Variants in FSTL5 observed in about 807,000 individuals in gnomAD.
The protein encoded by FSTL5 is follistatin-related protein 5.
In FSTL5, 62 loss-of-function variants were observed where a neutral mutation model predicts 89.1. The observed-to-expected ratio is 0.70, with a 90% confidence interval of 0.57 to 0.86. The LOEUF is 0.86. Among genes scored for constraint, FSTL5 ranks in the 40% least tolerant of loss-of-function variants. The pLI is 0.00. For missense variants in FSTL5, 1,057 were observed against 1,001.6 expected (o/e 1.06, Z -0.75); for synonymous variants, 383 against 346.2 (o/e 1.11, Z -1.18).
chr4:161,665,238 C>CT (rs1045092671), intron 6 of FSTL5, among the ~76,000 whole-genome samples: 11 of 151,870 alleles, frequency 7.2e-5, no homozygotes, highest in African/African-American at 1.2e-4. Context: ...AGAGAGAAAT[C>CT]TTTTTTTTGT....
rs148091804 is a variant in FSTL5, at chr4:161,807,005, A to T, written c.410-30931T>A. On this transcript the variant is annotated intron_variant, in intron 4 of 15. Transcript: ENST00000306100. ...ATGGAAGAAGTTAATGAATGAGTAC[A>T]GTAATGAGTAAAGTATATAAACAAC... Among the ~76,000 whole-genome samples, 371 of 152,308 alleles carry T rather than the reference A, an allele frequency of 2.4e-3. 2 individuals carry two copies. The highest frequency in any genetic ancestry group is 8.3e-3 in the African/African-American group (343 of 41,546).
At position 162,112,366 on chromosome 4, in the gene FSTL5, C is replaced by T. The variant is rs188274570; in HGVS notation, c.-16-954G>A. ...TAAATGACCCTCCTGTCTCAGCCTCCCCAGTAGGTAGAATGGCAAGCGTGT... is the reference window on the plus strand; with the variant it reads ...TAAATGACCCTCCTGTCTCAGCCTCTCCAGTAGGTAGAATGGCAAGCGTGT... On this transcript the variant is annotated intron_variant, in intron 1 of 15. Coordinates refer to ENST00000306100, the MANE Select transcript of FSTL5 (RefSeq NM_020116.5). Among the ~76,000 whole-genome samples the T allele has an allele frequency of 2.1e-3, 317 of 152,220 alleles. 3 individuals carry two copies. The highest frequency in any genetic ancestry group is 7.3e-3 in the African/African-American group (305 of 41,558).
chr4:161,917,861 A>C, intron 4 of FSTL5, among the ~76,000 whole-genome samples: 1 of 152,178 alleles, frequency 6.6e-6, no homozygotes, highest in African/African-American at 2.4e-5. Context: ...ACATTACGGA[A>C]AAATAGATTG....
rs888278616 is a variant in FSTL5 at position 161,719,040 on chromosome 4, T to G, written c.727+40371A>C. Among the ~76,000 whole-genome samples the G allele has an allele frequency of 1.3e-5, 2 of 152,194 alleles. 1 individual carries two copies. The highest frequency in any genetic ancestry group is 4.1e-4 in the South Asian group (2 of 4,834). ...AACAGTTGGGATATATTGATCGAAA[T>G]AATTAATATACAAACTTTCATCTGT... On this transcript the variant is annotated intron_variant, in intron 6 of 15. Transcript: ENST00000306100.
At chr4:161,419,779 C>T (rs1051280594) in intron 15 of FSTL5, among the ~76,000 whole-genome samples, 3 of 152,136 alleles carry the variant, frequency 2.0e-5, no homozygotes, top group South Asian at 2.1e-4. Flanking sequence ...ATTGGAGTGG[C>T]CCCAGTCACT....
chr4:161,950,529 T>C (rs1288984879), intron 3 of FSTL5, among the ~76,000 whole-genome samples: 4 of 152,192 alleles, frequency 2.6e-5, no homozygotes, highest in African/African-American at 9.6e-5. Context: ...TCCAGGCATC[T>C]TTCCCAGTTC....
rs563403457 is a variant in FSTL5 at position 161,956,194 on chromosome 4, A to C, written c.161-35542T>G. ...TAAATACAGTAGAACTAAGGAAGGG[A>C]TAAGTGCTGAAATAGCAATAAATGA... is the stretch of plus-strand genomic sequence containing the variant. On this transcript the variant is annotated intron_variant, in intron 3 of 15. Transcript: ENST00000306100. Among the ~76,000 whole-genome samples the C allele has an allele frequency of 9.4e-4, 143 of 152,038 alleles. 2 individuals carry two copies. The South Asian group carries it at 0.011, about 11-fold the overall frequency.
intron 3 of FSTL5, among the ~76,000 whole-genome samples, chr4:161,973,896 G>A (rs528908972): frequency 1.3e-5 from 2 of 151,918 alleles, no homozygotes; most frequent in Non-Finnish European, 2.9e-5. Flanking sequence ...AGCTGATAAG[G>A]AACTTCAGCA....
chr4:161,953,326 A>C (rs1310656156), intron 3 of FSTL5, among the ~76,000 whole-genome samples: 1 of 151,576 alleles, frequency 6.6e-6, no homozygotes, highest in African/African-American at 2.4e-5. Context: ...AGATAACTAT[A>C]AAATATTATA....
intron 3 of FSTL5, among the ~76,000 whole-genome samples, chr4:162,029,906 C>CTTTT (rs67266989): frequency 1.9e-4 from 28 of 144,240 alleles, no homozygotes; most frequent in African/African-American, 6.0e-4. Context: ...AAATTATTTC[C>CTTTT]TTTTTTTTTT....
At chr4:161,445,249 G>C (rs1732906148) in intron 15 of FSTL5, among the ~76,000 whole-genome samples, 2 of 151,960 alleles carry the variant, frequency 1.3e-5, no homozygotes, top group South Asian at 4.1e-4. Flanking sequence ...ATAAATGGTA[G>C]TATAGAGCCT....
At position 162,119,222 on chromosome 4, in the gene FSTL5, A is replaced by C. The variant is rs1314831267; in HGVS notation, c.-16-7810T>G. Among the ~76,000 whole-genome samples, 3 of 141,810 alleles carry C rather than the reference A, an allele frequency of 2.1e-5. No individual in the cohort carries two copies. In the Admixed American group the frequency reaches 2.1e-4, roughly 10 times the overall value. 93.0% of individuals were successfully genotyped at this position (141,810 alleles called of 152,430 possible). A position where few individuals can be genotyped will look rare whatever the true frequency, so the allele number is the denominator to read the frequency against. ...AGCCTGGGCAACAGAGTGAGATCCT[A>C]TCTCTCTTAAAAAAAAAAAAAGGTG... On this transcript the variant is annotated intron_variant, in intron 1 of 15. Coordinates refer to ENST00000306100, the MANE Select transcript of FSTL5 (RefSeq NM_020116.5).
chr4:161,642,845 C>T (rs1003332060), intron 7 of FSTL5, among the ~76,000 whole-genome samples: 1 of 151,950 alleles, frequency 6.6e-6, no homozygotes, highest in African/African-American at 2.4e-5. Flanking sequence ...TTCAGTTTTA[C>T]AAGATGGAAA....
chr4:162,086,943 T>C (rs1730346242), intron 2 of FSTL5, among the ~76,000 whole-genome samples: 1 of 152,116 alleles, frequency 6.6e-6, no homozygotes, highest in Non-Finnish European at 1.5e-5. Context: ...AATATCAATA[T>C]GACTATTTGA....
intron 12 of FSTL5, among the ~76,000 whole-genome samples, chr4:161,488,158 A>C (rs1560919806): frequency 6.6e-6 from 1 of 152,152 alleles, no homozygotes; most frequent in Non-Finnish European, 1.5e-5. Flanking sequence ...AACTGAGATT[A>C]CTGCTTATAA....
At chr4:161,923,755 C>T (rs1177619636) in intron 3 of FSTL5, among the ~76,000 whole-genome samples, 1 of 151,514 alleles carries the variant, frequency 6.6e-6, no homozygotes, top group Non-Finnish European at 1.5e-5. Flanking sequence ...AGGTTGGTCA[C>T]AATATTTCCC....
At chr4:161,801,427 G>A (rs1011180520) in intron 4 of FSTL5, among the ~76,000 whole-genome samples, 2 of 151,342 alleles carry the variant, frequency 1.3e-5, no homozygotes, top group Non-Finnish European at 3.0e-5. Flanking sequence ...TGTGGTCTGG[G>A]ATTTTCTTTA....
intron 6 of FSTL5, among the ~76,000 whole-genome samples, chr4:161,662,494 C>A (rs2126688608): frequency 6.6e-6 from 1 of 152,060 alleles, no homozygotes; most frequent in South Asian, 2.1e-4. Flanking sequence ...AAAAGCTATA[C>A]TAACTGAAAT....
intron 6 of FSTL5, 63 bp from the exon 7 acceptor site, chr4:161,656,557 A>C (rs1214421730): frequency 9.8e-7 from 1 of 1,023,114 alleles, no homozygotes; most frequent in Non-Finnish European, 1.3e-6. Context: ...AATAGTATAA[A>C]ATTTCTGAAT....
Sources: gnomAD v4.1 joint callset for allele counts (sites outside exome capture counted in the v4.1 genomes callset) on GRCh38, gnomAD v4.1.1 for gene constraint, MANE v1.5 for transcripts, NCBI Gene and HGNC (gene_info 2026-07-23, HGNC 2026-07-21) for gene names.